AKT3: variants seen among roughly 807,000 people sequenced by gnomAD.
The protein encoded by AKT3 is RAC-gamma serine/threonine-protein kinase.
Under a neutral mutation model 65.3 loss-of-function variants are expected in AKT3, and 15 were observed. That is an observed-to-expected ratio of 0.23 (90% CI 0.15 to 0.35). The LOEUF (loss-of-function observed/expected upper bound fraction) is 0.35, where lower values mean the gene tolerates loss of function less well. Ranked by LOEUF, AKT3 falls within the 10% of genes least tolerant of loss-of-function variation. The probability of loss-of-function intolerance (pLI) is 1.00; values close to 1 mark genes in which losing one functional copy is unlikely to be tolerated. For missense variants in AKT3, 243 were observed against 576.5 expected, an observed-to-expected ratio of 0.42 and a Z score of 5.92; for synonymous variants, 206 against 183.8, an observed-to-expected ratio of 1.12 and a Z score of -0.98.
intron 12 of AKT3, among the ~76,000 whole-genome samples, chr1:243,528,054 G>A (rs1307493082): frequency 6.6e-6 from 1 of 152,070 alleles, no homozygotes; most frequent in Admixed American, 6.5e-5. Flanking sequence ...TCTGGTGGGC[G>A]TCTTACTTCT....
chr1:243,616,680 G>T (rs1336182587), intron 6 of AKT3, among the ~76,000 whole-genome samples: 1 of 152,040 alleles, frequency 6.6e-6, no homozygotes, highest in Non-Finnish European at 1.5e-5. Flanking sequence ...AAAACATCAG[G>T]ACACTGCATT....
At chr1:243,550,288 T>C (rs1672957916) in intron 11 of AKT3, among the ~76,000 whole-genome samples, 1 of 152,182 alleles carries the variant, frequency 6.6e-6, no homozygotes, top group South Asian at 2.1e-4. Context: ...ATAAAAGAAA[T>C]TATTAGATCA....
At chr1:243,684,036 AC>A (rs886520823) in intron 3 of AKT3, among the ~76,000 whole-genome samples, 24 of 151,648 alleles carry the variant, frequency 1.6e-4, no homozygotes, top group African/African-American at 5.6e-4. Context: ...TTTGGTCTAT[AC>A]CCCGTTCCCC....
intron 12 of AKT3, among the ~76,000 whole-genome samples, chr1:243,537,648 T>A (rs577493664): frequency 6.6e-6 from 1 of 152,256 alleles, no homozygotes; most frequent in African/African-American, 2.4e-5. Flanking sequence ...CAACAAAACT[T>A]GAAAAAATCC....
chr1:243,610,965 C>T (rs1424044025), intron 8 of AKT3, among the ~76,000 whole-genome samples: 1 of 152,162 alleles, frequency 6.6e-6, no homozygotes, highest in African/African-American at 2.4e-5. Flanking sequence ...ATTTAAAATG[C>T]TACAATGCTG....
At chr1:243,708,950 A>G (rs776579427) in intron 2 of AKT3, among the ~76,000 whole-genome samples, 5 of 152,050 alleles carry the variant, frequency 3.3e-5, no homozygotes, top group South Asian at 2.1e-4. Context: ...CTGAGTTTTC[A>G]TAACTGATTC....
intron 12 of AKT3, among the ~76,000 whole-genome samples, chr1:243,523,703 T>C (rs942953738): frequency 1.3e-5 from 2 of 152,192 alleles, no homozygotes; most frequent in Admixed American, 1.3e-4. Context: ...ACAGGTCCTT[T>C]ACTCTTAAAA....
At chr1:243,635,638 G>GA (rs899810965) in intron 6 of AKT3, among the ~76,000 whole-genome samples, 3 of 151,840 alleles carry the variant, frequency 2.0e-5, no homozygotes, top group Admixed American at 6.6e-5. Context: ...AAAAGTTTAA[G>GA]AAAAAATAGG....
intron 2 of AKT3, among the ~76,000 whole-genome samples, chr1:243,791,938 T>C (rs554446564): frequency 1.3e-5 from 2 of 152,354 alleles, no homozygotes; most frequent in African/African-American, 4.8e-5. Flanking sequence ...TTTGTTGTTT[T>C]AGCAAATTTA....
chr1:243,651,338 AAC>A (rs1681305223), intron 4 of AKT3, among the ~76,000 whole-genome samples: 1 of 152,276 alleles, frequency 6.6e-6, no homozygotes, highest in Admixed American at 6.5e-5. Context: ...GTCATCTGCA[AAC>A]AGAGACAATT....
At chr1:243,812,550 T>C (rs1478941998) in intron 2 of AKT3, among the ~76,000 whole-genome samples, 1 of 150,838 alleles carries the variant, frequency 6.6e-6, no homozygotes, top group African/African-American at 2.4e-5. Context: ...AGTGGAGAAA[T>C]AACACTTTTA....
intron 2 of AKT3, among the ~76,000 whole-genome samples, chr1:243,788,088 G>A (rs1691376743): frequency 1.3e-5 from 2 of 152,154 alleles, no homozygotes; most frequent in South Asian, 4.1e-4. Flanking sequence ...AGGTATCTCT[G>A]AAACTTAATC....
chr1:243,588,821 T>C (rs768071346), intron 8 of AKT3, among the ~76,000 whole-genome samples: 1 of 152,114 alleles, frequency 6.6e-6, no homozygotes, highest in African/African-American at 2.4e-5. Context: ...CTCCTTGATA[T>C]TGGTCTTGGC....
chr1:243,758,768 C>T (rs1426930042), intron 2 of AKT3, among the ~76,000 whole-genome samples: 1 of 152,194 alleles, frequency 6.6e-6, no homozygotes, highest in Non-Finnish European at 1.5e-5. Flanking sequence ...AGAATCTAAC[C>T]TCGCATCTGA....
At chr1:243,765,217 AG>A (rs2148257577) in intron 2 of AKT3, among the ~76,000 whole-genome samples, 1 of 152,276 alleles carries the variant, frequency 6.6e-6, no homozygotes, top group East Asian at 1.9e-4. Context: ...AATTTTAAAA[AG>A]AAACAAGAGG....
In AKT3 at chr1:243,660,088, C is replaced by T. The variant is rs544857249; in HGVS notation, c.284+4684G>A. Among the ~76,000 whole-genome samples the T allele has an allele frequency of 4.5e-3, 687 of 151,888 alleles. 6 individuals carry two copies. Among genetic ancestry groups the T allele is most frequent in the African/African-American group, 0.015 (641 of 41,384 alleles). ...TCCTCCTTGTACCTCTGGTAGAATTCGGCTGTGAATCCATCTGGTCCTGGA... is the reference window on the plus strand; with the variant it reads ...TCCTCCTTGTACCTCTGGTAGAATTTGGCTGTGAATCCATCTGGTCCTGGA... On this transcript the variant is annotated intron_variant, in intron 4 of 13. Coordinates refer to ENST00000673466, the MANE Select transcript of AKT3 (RefSeq NM_005465.7).
chr1:243,768,707 C>T (rs544256936), intron 2 of AKT3, among the ~76,000 whole-genome samples: 12 of 151,902 alleles, frequency 7.9e-5, no homozygotes, highest in African/African-American at 2.7e-4. Flanking sequence ...TAGAGGCATG[C>T]GCCTGTAATC....
intron 6 of AKT3, among the ~76,000 whole-genome samples, chr1:243,635,910 C>CTTT (rs1486255356): frequency 6.6e-6 from 1 of 151,996 alleles, no homozygotes; most frequent in Non-Finnish European, 1.5e-5. Context: ...AGCATATTTT[C>CTTT]TTTCAAGAAA....
In AKT3 at chr1:243,501,633, A is replaced by ATATT. The variant is rs1669311721; in HGVS notation, c.*3612_*3615dup. On this transcript the variant is annotated 3_prime_UTR_variant, in exon 14 of 14. Coordinates refer to ENST00000673466, the MANE Select transcript of AKT3 (RefSeq NM_005465.7). ...GTGTGAGCTACAAGGAATTATTTCT[A>ATATT]TATTTTCCTGTCACATTTTATACAA... 4.4e-6 allele frequency: 1 copy of ATATT among 229,448 alleles called. No individual in the cohort carries two copies. Among genetic ancestry groups the ATATT allele is most frequent in the African/African-American group, 2.2e-5 (1 of 44,784 alleles). The allele number at this position is 229,448 out of a possible 1,614,324, so 14.2% of individuals were successfully genotyped here. A position where few individuals can be genotyped will look rare whatever the true frequency, so the allele number is the denominator to read the frequency against.
Sources: gnomAD v4.1 joint callset for allele counts (sites outside exome capture counted in the v4.1 genomes callset) on GRCh38, gnomAD v4.1.1 for gene constraint, MANE v1.5 for transcripts, NCBI Gene and HGNC (gene_info 2026-07-23, HGNC 2026-07-21) for gene names.